The following SORCS2 variants were observed in gnomAD, a reference collection of about 807,000 sequenced individuals.
The protein encoded by SORCS2 is VPS10 domain-containing receptor SorCS2.
Under a neutral mutation model 141.6 loss-of-function variants are expected in SORCS2, and 100 were observed. The ratio of observed to expected loss-of-function variants is 0.71; its 90% CI spans 0.60 to 0.83. The LOEUF is 0.83. Ranked by LOEUF, SORCS2 falls within the 40% of genes least tolerant of loss-of-function variation. SORCS2 has a pLI of 0.00. For synonymous variants in SORCS2, 789 were observed against 676.9 expected (o/e 1.17, Z -2.57); for missense variants, 1,646 against 1,560.2 (o/e 1.05, Z -0.93).
intron 3 of SORCS2, among the ~76,000 whole-genome samples, chr4:7,608,808 C>T (rs913790101): frequency 3.3e-5 from 5 of 152,088 alleles, no homozygotes; most frequent in Non-Finnish European, 7.4e-5. Context: ...CAGCATTTGC[C>T]GAGCATCTGA....
intron 1 of SORCS2, among the ~76,000 whole-genome samples, chr4:7,263,802 G>T (rs1714528544): frequency 6.6e-6 from 1 of 152,204 alleles, no homozygotes; most frequent in Non-Finnish European, 1.5e-5. Context: ...GCCAGGGCTG[G>T]GCAAGTGCCT....
intron 1 of SORCS2, among the ~76,000 whole-genome samples, chr4:7,240,718 G>A (rs1194875954): frequency 6.6e-6 from 1 of 152,174 alleles, no homozygotes; most frequent in Non-Finnish European, 1.5e-5. Context: ...GCTGCAACTT[G>A]TAAACCTCCC....
chr4:7,354,227 A>G (rs2109011525), intron 1 of SORCS2, among the ~76,000 whole-genome samples: 1 of 152,294 alleles, frequency 6.6e-6, no homozygotes, highest in Non-Finnish European at 1.5e-5. Context: ...CCAGGGCAGT[A>G]GAGAGGGTCA....
Position 7,664,596 on chromosome 4 carries a change from C to T in SORCS2, c.1071+125C>T. On this transcript the variant is annotated intron_variant, in intron 7 of 26. Transcript: ENST00000507866. This position sits in a 1 kb window ranked among gnomAD's most constrained non-coding sequence, Gnocchi z 4.7. ...ACGGGTATTTCACTCTCAAATGCTACTTCGCAGGTCACGGTTTCTGACCGT... is the reference window on the plus strand; with the variant it reads ...ACGGGTATTTCACTCTCAAATGCTATTTCGCAGGTCACGGTTTCTGACCGT... The T allele has an allele frequency of 1.5e-6, 1 of 670,512 alleles. No individual in the cohort carries two copies. The highest frequency in any genetic ancestry group is 2.5e-6 in the Non-Finnish European group (1 of 394,024). 41.5% of individuals were successfully genotyped at this position (670,512 alleles called of 1,614,324 possible). A position where few individuals can be genotyped will look rare whatever the true frequency, so the allele number is the denominator to read the frequency against.
At chr4:7,674,880 C>G (rs1723017590) in intron 8 of SORCS2, among the ~76,000 whole-genome samples, 1 of 152,108 alleles carries the variant, frequency 6.6e-6, no homozygotes. Context: ...CCCCAAGCAT[C>G]CCAGCCACAG....
intron 11 of SORCS2, among the ~76,000 whole-genome samples, chr4:7,694,792 A>G (rs1387403174): frequency 6.6e-6 from 1 of 151,798 alleles, no homozygotes; most frequent in Non-Finnish European, 1.5e-5. Context: ...TGCCCCACCC[A>G]TCCTATCTGT....
At chr4:7,536,643 A>C (rs1260240243) in intron 3 of SORCS2, among the ~76,000 whole-genome samples, 1 of 152,196 alleles carries the variant, frequency 6.6e-6, no homozygotes. Flanking sequence ...TCACGAGAGA[A>C]GGATGTGATG....
At chr4:7,319,907 C>T (rs1718792626) in intron 1 of SORCS2, among the ~76,000 whole-genome samples, 1 of 152,234 alleles carries the variant, frequency 6.6e-6, no homozygotes, top group Admixed American at 6.5e-5. Flanking sequence ...TAATGATTCC[C>T]CCCACCCTGC....
At position 7,726,842 on chromosome 4, in the gene SORCS2, G is replaced by C; in HGVS notation, c.2808G>C (p.Val936=). The C allele has an allele frequency of 6.2e-7, 1 of 1,613,906 alleles. No homozygotes were observed. The highest frequency in any genetic ancestry group is 8.5e-7 in the Non-Finnish European group (1 of 1,179,862). Reference sequence around the variant, plus strand: ...TTTCGGACACGGGCGACGTGCGTGTGACGGTGCAGGCCGCCTGTGGGAACT... The same window carrying C: ...TTTCGGACACGGGCGACGTGCGTGTCACGGTGCAGGCCGCCTGTGGGAACT... ...TRFSDTGDVR[V]TVQAACGNSV... The change falls in exon 21 of 27, where the codon GTG becomes GTC. Residue 936 remains valine, a synonymous_variant. Coordinates refer to ENST00000507866, the MANE Select transcript of SORCS2 (RefSeq NM_020777.3).
chr4:7,271,397 C>T (rs138079710), intron 1 of SORCS2, among the ~76,000 whole-genome samples: 1 of 152,332 alleles, frequency 6.6e-6, no homozygotes, highest in Non-Finnish European at 1.5e-5. Flanking sequence ...GCCCCTTGAA[C>T]CTGCTAGGCG....
intron 4 of SORCS2, among the ~76,000 whole-genome samples, chr4:7,639,359 G>T (rs754984796): frequency 2.2e-4 from 33 of 152,146 alleles, no homozygotes; most frequent in Non-Finnish European, 3.5e-4. Context: ...CCACATCTCT[G>T]CACCTTCAGG....
chr4:7,297,781 T>C (rs1489368197), intron 1 of SORCS2, among the ~76,000 whole-genome samples: 2 of 152,158 alleles, frequency 1.3e-5, no homozygotes, highest in Non-Finnish European at 2.9e-5. Context: ...GGCAGCACTT[T>C]TGGGCCAGTG....
At chr4:7,455,578 C>A (rs1577593772) in intron 2 of SORCS2, among the ~76,000 whole-genome samples, 1 of 139,914 alleles carries the variant, frequency 7.1e-6, no homozygotes, top group Non-Finnish European at 1.5e-5. Context: ...GGGTCAGGAG[C>A]TGTGTGTTGG....
intron 1 of SORCS2, among the ~76,000 whole-genome samples, chr4:7,342,651 A>G (rs1292515107): frequency 2.0e-5 from 3 of 152,124 alleles, no homozygotes; most frequent in Non-Finnish European, 2.9e-5. Flanking sequence ...ACAGGGAAGA[A>G]GCCCTGCAAA....
rs201523641 is a variant in SORCS2, at chr4:7,725,179, G to A, written c.2637G>A (p.Glu879=). ...VNSPLQALYL[E]VVPVIGLNQE... ...CCCCCCTGCAGGCCCTCTACCTGGAGGTGGTTCCTGTCATTGGCCTCAACC... is the reference window on the plus strand; with the variant it reads ...CCCCCCTGCAGGCCCTCTACCTGGAAGTGGTTCCTGTCATTGGCCTCAACC... The change falls in exon 20 of 27, where the codon GAG becomes GAA. Residue 879 remains glutamate, a synonymous_variant. Transcript: ENST00000507866. The A allele has an allele frequency of 6.2e-7, 1 of 1,613,476 alleles. No homozygotes were observed. The highest frequency in any genetic ancestry group is 2.2e-5 in the East Asian group (1 of 44,876).
intron 3 of SORCS2, among the ~76,000 whole-genome samples, chr4:7,588,180 A>G (rs1716667784): frequency 6.6e-6 from 1 of 152,192 alleles, no homozygotes; most frequent in Admixed American, 6.5e-5. Context: ...TGCGGTCGGC[A>G]AATCCTTTCT....
At chr4:7,321,470 C>T (rs1003739326) in intron 1 of SORCS2, among the ~76,000 whole-genome samples, 2 of 152,218 alleles carry the variant, frequency 1.3e-5, no homozygotes, top group African/African-American at 4.8e-5. Flanking sequence ...CACTGCTCTA[C>T]ACCAACAATG....
intron 1 of SORCS2, among the ~76,000 whole-genome samples, chr4:7,303,686 G>C (rs536920159): frequency 6.6e-6 from 1 of 152,364 alleles, no homozygotes; most frequent in African/African-American, 2.4e-5. Flanking sequence ...CTGCCCACCA[G>C]CCTGCTCCCC....
intron 1 of SORCS2, among the ~76,000 whole-genome samples, chr4:7,298,172 G>A (rs910826658): frequency 6.6e-6 from 1 of 152,188 alleles, no homozygotes; most frequent in Non-Finnish European, 1.5e-5. Flanking sequence ...TGTGTGCACC[G>A]CAGGCATGCA....
Sources: gnomAD v4.1 joint callset for allele counts (sites outside exome capture counted in the v4.1 genomes callset) on GRCh38, gnomAD v4.1.1 for gene constraint, Gnocchi (gnomAD v3.1) non-coding constraint, MANE v1.5 for transcripts, NCBI Gene and HGNC (gene_info 2026-07-23, HGNC 2026-07-21) for gene names.